MED12L: variants seen among roughly 807,000 people sequenced by gnomAD.
MED12L encodes mediator complex subunit 12L, also known as mediator of RNA polymerase II transcription subunit 12-like protein.
A neutral mutation model predicts 281.3 loss-of-function variants in MED12L; 60 were observed. The ratio of observed to expected loss-of-function variants is 0.21; its 90% confidence interval spans 0.17 to 0.26. MED12L has a LOEUF of 0.26. Ranked by LOEUF, MED12L falls within the 10% of genes least tolerant of loss-of-function variation. The pLI, the probability that MED12L is intolerant of heterozygous loss-of-function variation, is 1.00. For synonymous variants in MED12L, 974 were observed against 987.2 expected (o/e 0.99, Z 0.25); for missense variants, 2,146 against 2,680.9 (o/e 0.80, Z 4.41).
chr3:151,344,586 G>A (rs1427939768), intron 16 of MED12L, among the ~76,000 whole-genome samples: 5 of 152,134 alleles, frequency 3.3e-5, no homozygotes, highest in Non-Finnish European at 5.9e-5. Flanking sequence ...GTGATAGGTT[G>A]CTATGTGCAG....
chr3:151,213,510 T>C, intron 16 of MED12L: 1 of 1,614,204 alleles, frequency 6.2e-7, no homozygotes, highest in Non-Finnish European at 8.5e-7. Context: ...AGATTTCTTT[T>C]GACTGGCAGC....
chr3:151,271,950 G>T (rs139663298), intron 16 of MED12L, among the ~76,000 whole-genome samples: 284 of 152,244 alleles, frequency 1.9e-3, no homozygotes, highest in Non-Finnish European at 3.3e-3. Flanking sequence ...AAACCTCAAT[G>T]AACTCTACAC....
Position 151,085,768 on chromosome 3 carries a change from C to T in MED12L, c.-298C>T, listed in dbSNP as rs910096412. On this transcript the variant is annotated 5_prime_UTR_variant, in exon 1 of 45. Coordinates refer to ENST00000687756, the MANE Select transcript of MED12L (RefSeq NM_001393769.1). The stretch of plus-strand genomic sequence containing the variant: ...GGCGAGCCGGCGTCGCTCGCCGCCC[C>T]CAGACAGTGGCAAACTTCGCGGCGT... 1.3e-5 allele frequency: 2 copies of T among 152,024 alleles called. No homozygotes were observed. Among genetic ancestry groups the T allele is most frequent in the African/African-American group, 4.8e-5 (2 of 41,420 alleles). 9.4% of individuals were successfully genotyped at this position (152,024 alleles called of 1,614,324 possible).
In MED12L at chr3:151,214,002, C is replaced by G. The variant is rs142772269; in HGVS notation, c.2250+20336C>G. 34 of 1,614,038 alleles carry G rather than the reference C, an allele frequency of 2.1e-5. No homozygotes were observed. In the African/African-American group the frequency reaches 4.1e-4, roughly 20 times the overall value. ...GCCCAAAGAACACAATGCTGACGTACATGTTGACGTAGAAGAGCACGGCAG... is the reference window on the plus strand; with the variant it reads ...GCCCAAAGAACACAATGCTGACGTAGATGTTGACGTAGAAGAGCACGGCAG... On this transcript the variant is annotated intron_variant, in intron 16 of 44. Transcript: ENST00000687756.
At chr3:151,325,735 CT>C (rs1460992022) in intron 16 of MED12L, among the ~76,000 whole-genome samples, 3 of 152,102 alleles carry the variant, frequency 2.0e-5, no homozygotes, top group Non-Finnish European at 4.4e-5. Context: ...CTTGAAAGAT[CT>C]TTCCCAAAAA....
intron 13 of MED12L, among the ~76,000 whole-genome samples, chr3:151,190,172 A>G (rs1301815673): frequency 6.7e-6 from 1 of 149,542 alleles, no homozygotes; most frequent in Non-Finnish European, 1.5e-5. Flanking sequence ...CAGGACTACT[A>G]TCTTTTTTTT....
At chr3:151,147,128 C>A (rs933393832) in intron 5 of MED12L, among the ~76,000 whole-genome samples, 1 of 152,128 alleles carries the variant, frequency 6.6e-6, no homozygotes, top group African/African-American at 2.4e-5. Context: ...TATATAATAA[C>A]ACCCATTTAC....
chr3:151,297,548 T>C (rs1745269863), intron 16 of MED12L, among the ~76,000 whole-genome samples: 1 of 152,184 alleles, frequency 6.6e-6, no homozygotes, highest in Non-Finnish European at 1.5e-5. Flanking sequence ...TACTTATGAA[T>C]TGCTTTTCAA....
intron 2 of MED12L, among the ~76,000 whole-genome samples, chr3:151,094,180 G>C (rs566784910): frequency 6.6e-6 from 1 of 152,192 alleles, no homozygotes; most frequent in Admixed American, 6.5e-5. Context: ...AAGAAAAGCA[G>C]AAGTAGAAGC....
chr3:151,390,580 C>G (rs1183993856), intron 38 of MED12L, among the ~76,000 whole-genome samples: 1 of 152,078 alleles, frequency 6.6e-6, no homozygotes, highest in Non-Finnish European at 1.5e-5. Context: ...AGTAAATGTT[C>G]CTGATTTTAG....
chr3:151,290,783 G>T (rs1197804909), intron 16 of MED12L, among the ~76,000 whole-genome samples: 1 of 152,068 alleles, frequency 6.6e-6, no homozygotes, highest in East Asian at 1.9e-4. Flanking sequence ...GAAAACTTTA[G>T]CAAAGTGCTA....
At chr3:151,153,564 CTTTTTTTTTTT>C (rs1177653143) in intron 5 of MED12L, among the ~76,000 whole-genome samples, 1 of 94,288 alleles carries the variant, frequency 1.1e-5, no homozygotes, top group South Asian at 3.6e-4. Context: ...TGTTTTCTTT[CTTTTTTTTTTT>C]TTTTTTTTTT....
At chr3:151,379,404 A>G (rs751476231) in intron 31 of MED12L, among the ~76,000 whole-genome samples, 11 of 152,338 alleles carry the variant, frequency 7.2e-5, no homozygotes, top group Middle Eastern at 3.4e-3. Flanking sequence ...TTGTTTGTCA[A>G]TATGATTTGT....
At chr3:151,270,404 A>G (rs1740717145) in intron 16 of MED12L, among the ~76,000 whole-genome samples, 3 of 152,142 alleles carry the variant, frequency 2.0e-5, no homozygotes, top group Admixed American at 2.0e-4. Context: ...GTCTGAACAA[A>G]AACTGTATGG....
At chr3:151,126,940 G>C (rs1576783141) in intron 4 of MED12L, among the ~76,000 whole-genome samples, 2 of 152,124 alleles carry the variant, frequency 1.3e-5, no homozygotes, top group South Asian at 2.1e-4. Flanking sequence ...GAGTACAGAG[G>C]GGGTCATGGC....
chr3:151,338,954 A>G, intron 16 of MED12L: 4 of 1,074,430 alleles, frequency 3.7e-6, no homozygotes, highest in South Asian at 1.3e-5. Flanking sequence ...AGCCTCCTCT[A>G]AAAGTTGAGG....
chr3:151,139,018 A>T (rs1057155135), intron 5 of MED12L, among the ~76,000 whole-genome samples: 2 of 144,444 alleles, frequency 1.4e-5, no homozygotes, highest in African/African-American at 5.8e-5. Context: ...CCTACCTACT[A>T]TTCTTTCATT....
At chr3:151,320,496 T>G (rs1748871212) in intron 16 of MED12L, among the ~76,000 whole-genome samples, 1 of 152,206 alleles carries the variant, frequency 6.6e-6, no homozygotes, top group African/African-American at 2.4e-5. Flanking sequence ...TTGTGCTGAG[T>G]ATAATTATTA....
chr3:151,421,157 C>T (rs966385937), intron 43 of MED12L, among the ~76,000 whole-genome samples: 1 of 152,026 alleles, frequency 6.6e-6, no homozygotes, highest in African/African-American at 2.4e-5. Flanking sequence ...TGTTCATGGG[C>T]CCATTGAGGA....
Sources: gnomAD v4.1 joint callset for allele counts (sites outside exome capture counted in the v4.1 genomes callset) on GRCh38, gnomAD v4.1.1 for gene constraint, MANE v1.5 for transcripts, NCBI Gene and HGNC (gene_info 2026-07-23, HGNC 2026-07-21) for gene names.